The following NFIA variants were observed in gnomAD, a reference collection of about 807,000 sequenced individuals.
The protein encoded by NFIA is nuclear factor I A.
In NFIA, 8 loss-of-function variants were observed where a neutral mutation model predicts 62.8. The observed-to-expected ratio is 0.13, with a 90% confidence interval of 0.07 to 0.23. NFIA has a LOEUF of 0.23. Ranked by LOEUF, NFIA falls within the 10% of genes least tolerant of loss-of-function variation. The pLI is 1.00. For missense variants in NFIA, 410 were observed against 642.1 expected, an observed-to-expected ratio of 0.64 and a Z score of 3.91; for synonymous variants, 235 against 238.1, an observed-to-expected ratio of 0.99 and a Z score of 0.12.
intron 2 of NFIA, among the ~76,000 whole-genome samples, chr1:61,103,888 A>G (rs1200737281): frequency 6.6e-6 from 1 of 152,166 alleles, no homozygotes; most frequent in Non-Finnish European, 1.5e-5. Context: ...TCTGAAAACA[A>G]AGGTCTGATG....
intron 2 of NFIA, among the ~76,000 whole-genome samples, chr1:61,135,775 C>T (rs1040643400): frequency 1.3e-5 from 2 of 152,154 alleles, no homozygotes; most frequent in African/African-American, 4.8e-5. Context: ...ATTACATTTG[C>T]TAACGACAGT....
intron 2 of NFIA, among the ~76,000 whole-genome samples, chr1:61,274,968 A>T (rs946856344): frequency 1.3e-5 from 2 of 152,172 alleles, no homozygotes; most frequent in Non-Finnish European, 2.9e-5. Context: ...TAATTATTGA[A>T]GTTTTGAGAT....
chr1:61,322,501 C>T (rs899975211), intron 3 of NFIA, among the ~76,000 whole-genome samples: 10 of 152,038 alleles, frequency 6.6e-5, no homozygotes, highest in Non-Finnish European at 1.5e-4. Context: ...AAAGTGTTTT[C>T]GCTCATAAAA....
intron 9 of NFIA, among the ~76,000 whole-genome samples, chr1:61,424,832 C>T (rs930513230): frequency 1.3e-5 from 2 of 152,128 alleles, no homozygotes; most frequent in African/African-American, 4.8e-5. Context: ...GATTATTTTA[C>T]TGAGCTTTTA....
At chr1:61,175,288 C>T (rs368559035) in intron 2 of NFIA, among the ~76,000 whole-genome samples, 4 of 151,956 alleles carry the variant, frequency 2.6e-5, no homozygotes, top group Non-Finnish European at 5.9e-5. Context: ...ACTACAAGCT[C>T]GCACCACCAC....
Position 61,114,577 on chromosome 1 carries a change from G to A in NFIA, c.559+25897G>A, listed in dbSNP as rs542604132. On this transcript the variant is annotated intron_variant, in intron 2 of 10. Transcript: ENST00000403491. Reference sequence around the variant, plus strand: ...TTTTTCTTATATTTTTTTAAAAGTTGGCTTTAAGGGAGCACGTTTCTCTTT... The same window carrying A: ...TTTTTCTTATATTTTTTTAAAAGTTAGCTTTAAGGGAGCACGTTTCTCTTT... 5.9e-5 allele frequency among the ~76,000 whole-genome samples: 9 copies of A among 152,160 alleles called. No individual in the cohort carries two copies. The South Asian group carries it at 1.9e-3, about 32-fold the overall frequency.
rs903448934 is a variant in NFIA at position 61,456,406 on chromosome 1, G to C, written c.*1086G>C. 6.6e-6 allele frequency: 1 copy of C among 150,902 alleles called. No homozygotes were observed. Among genetic ancestry groups the C allele is most frequent in the Non-Finnish European group, 1.5e-5 (1 of 67,756 alleles). The allele number at this position is 150,902 out of a possible 1,614,324, so 9.3% of individuals were successfully genotyped here. A position where few individuals can be genotyped will look rare whatever the true frequency, so the allele number is the denominator to read the frequency against. On this transcript the variant is annotated 3_prime_UTR_variant, in exon 11 of 11. Transcript: ENST00000403491. ...AAAAAACAAAAAAACAAATCTAATG[G>C]TGCTTTTACCACAATATGTTAACTA...
At chr1:61,114,301 C>T (rs1316898586) in intron 2 of NFIA, among the ~76,000 whole-genome samples, 1 of 152,080 alleles carries the variant, frequency 6.6e-6, no homozygotes, top group Non-Finnish European at 1.5e-5. Flanking sequence ...GCCTGGACAA[C>T]ATAGCAAGAC....
upstream of NFIA, among the ~76,000 whole-genome samples, chr1:61,077,852 C>CT (rs1179358669): frequency 0.024 from 2,687 of 113,374 alleles, 67 homozygotes; most frequent in African/African-American, 0.07. Context: ...TTTTCTTTTT[C>CT]TTTTTTTTTT....
intron 2 of NFIA, among the ~76,000 whole-genome samples, chr1:61,163,248 A>G (rs1649336566): frequency 6.6e-6 from 1 of 152,236 alleles, no homozygotes; most frequent in Non-Finnish European, 1.5e-5. Flanking sequence ...AATGTTTCTC[A>G]AAAACAATCA....
chr1:61,244,466 A>G (rs1232974994), intron 2 of NFIA, among the ~76,000 whole-genome samples: 1 of 152,166 alleles, frequency 6.6e-6, no homozygotes, highest in East Asian at 1.9e-4. Context: ...CTGCCAGGAT[A>G]GGTGAGAGAG....
upstream of NFIA, among the ~76,000 whole-genome samples, chr1:61,078,733 G>A (rs538226235): frequency 2.2e-4 from 33 of 152,326 alleles, 1 homozygote; most frequent in South Asian, 4.6e-3. Flanking sequence ...TATATGGTCA[G>A]TAGGAAATAG....
At chr1:61,419,094 G>A (rs1001733923) in intron 9 of NFIA, among the ~76,000 whole-genome samples, 7 of 152,296 alleles carry the variant, frequency 4.6e-5, no homozygotes, top group South Asian at 2.1e-4. Context: ...AAACAAAGTT[G>A]TATTCTTAGC....
At chr1:61,285,271 C>A (rs1179210246) in intron 3 of NFIA, among the ~76,000 whole-genome samples, 1 of 152,026 alleles carries the variant, frequency 6.6e-6, no homozygotes. Flanking sequence ...TAAAAACCAG[C>A]GTGGTGAAAG....
At chr1:61,297,204 A>T (rs1013614081) in intron 3 of NFIA, among the ~76,000 whole-genome samples, 2 of 152,164 alleles carry the variant, frequency 1.3e-5, no homozygotes, top group African/African-American at 4.8e-5. Context: ...TCTTTTCAAG[A>T]TGTTTTCATT....
At chr1:61,221,717 C>A (rs1435759845) in intron 2 of NFIA, among the ~76,000 whole-genome samples, 1 of 152,016 alleles carries the variant, frequency 6.6e-6, no homozygotes. Context: ...CTTGATTATT[C>A]TTTTCTCAAT....
chr1:61,092,228 G>A (rs1646332493), intron 2 of NFIA, among the ~76,000 whole-genome samples: 2 of 152,200 alleles, frequency 1.3e-5, no homozygotes, highest in East Asian at 1.9e-4. Context: ...AACATTAGAA[G>A]TATTTTTAGC....
chr1:61,077,758 C>A, upstream of NFIA: 1 of 551,064 alleles, frequency 1.8e-6, no homozygotes, highest in Non-Finnish European at 2.9e-6. Flanking sequence ...TAAGTGATTG[C>A]TGGGTAAATG....
intron 7 of NFIA, among the ~76,000 whole-genome samples, chr1:61,390,289 C>T (rs1043773712): frequency 5.9e-5 from 9 of 151,896 alleles, no homozygotes; most frequent in African/African-American, 2.2e-4. Context: ...TTCAGACATA[C>T]GAAATGCAAA....
Sources: gnomAD v4.1 joint callset for allele counts (sites outside exome capture counted in the v4.1 genomes callset) on GRCh38, gnomAD v4.1.1 for gene constraint, MANE v1.5 for transcripts, NCBI Gene and HGNC (gene_info 2026-07-23, HGNC 2026-07-21) for gene names.